SLC7A5: variants seen among roughly 807,000 people sequenced by gnomAD.
SLC7A5 encodes the protein solute carrier family 7 member 5.
SLC7A5 carries 23 observed loss-of-function variants against 50.2 expected under a neutral mutation model. The observed-to-expected ratio is 0.46, with a 90% CI of 0.33 to 0.65. The LOEUF (loss-of-function observed/expected upper bound fraction) is 0.65, where lower values mean the gene tolerates loss of function less well. SLC7A5 is among the 30% of genes least tolerant of loss of function. The pLI is 0.02. For missense variants in SLC7A5, 578 were observed against 684.4 expected (o/e 0.84, Z 1.73); for synonymous variants, 393 against 330.6 (o/e 1.19, Z -2.05).
intron 7 of SLC7A5, chr16:87,837,514 G>C (rs1455288717): frequency 5.4e-6 from 2 of 369,488 alleles, no homozygotes; most frequent in African/African-American, 4.1e-5. Context: ...GAAACTGTGT[G>C]TGATGCACCC....
intron 1 of SLC7A5, among the ~76,000 whole-genome samples, chr16:87,864,190 G>T (rs1159517776): frequency 6.6e-6 from 1 of 151,230 alleles, no homozygotes; most frequent in Admixed American, 6.6e-5. Flanking sequence ...TACTCGGGAG[G>T]CTGAGGCAGG....
At chr16:87,842,297 G>A (rs988972461) in intron 2 of SLC7A5, among the ~76,000 whole-genome samples, 2 of 152,204 alleles carry the variant, frequency 1.3e-5, no homozygotes, top group Middle Eastern at 3.2e-3. Context: ...GGCAGGGACG[G>A]GCCCTGGGGC....
chr16:87,857,955 G>A (rs1436874513), intron 1 of SLC7A5, among the ~76,000 whole-genome samples: 1 of 152,206 alleles, frequency 6.6e-6, no homozygotes, highest in Non-Finnish European at 1.5e-5. Context: ...GATTTGGCAA[G>A]CTCTGAAATT....
At chr16:87,865,655 C>T (rs2055451237) in intron 1 of SLC7A5, among the ~76,000 whole-genome samples, 1 of 152,014 alleles carries the variant, frequency 6.6e-6, no homozygotes, top group Admixed American at 6.5e-5. Context: ...TGTAGTGAGC[C>T]AAGATCGTGC....
At chr16:87,840,667 C>A (rs962486176) in intron 3 of SLC7A5, among the ~76,000 whole-genome samples, 194 bp from the exon 4 acceptor site, 1 of 152,166 alleles carries the variant, frequency 6.6e-6, no homozygotes, top group Non-Finnish European at 1.5e-5. Flanking sequence ...CCCTTCCAGG[C>A]CCTCCCGCAC....
At chr16:87,865,080 C>T (rs2055443910) in intron 1 of SLC7A5, among the ~76,000 whole-genome samples, 2 of 152,194 alleles carry the variant, frequency 1.3e-5, no homozygotes, top group South Asian at 4.1e-4. Context: ...CTCCCTCTCT[C>T]AGCAGGGTCT....
At chr16:87,859,681 C>T (rs2055364193) in intron 1 of SLC7A5, among the ~76,000 whole-genome samples, 1 of 152,178 alleles carries the variant, frequency 6.6e-6, no homozygotes, top group African/African-American at 2.4e-5. Flanking sequence ...TGGCTCATGC[C>T]TGTAATCCCA....
In SLC7A5 at chr16:87,840,567, G is replaced by A. The variant is rs1040107897; in HGVS notation, c.771-94C>T. The A allele has an allele frequency of 7.3e-6, 8 of 1,093,260 alleles. No homozygotes were observed. In the Admixed American group the frequency reaches 1.0e-4, roughly 14 times the overall value. 67.7% of individuals were successfully genotyped at this position (1,093,260 alleles called of 1,614,324 possible). On this transcript the variant is annotated intron_variant, in intron 3 of 9. Coordinates refer to ENST00000261622, the MANE Select transcript of SLC7A5 (RefSeq NM_003486.7). ...GCATCCCAGGGCAGCTGGTGAGCCT[G>A]CCCCCCGGTGGTCTGCTCGCTGGGC...
chr16:87,849,557 C>G (rs779078764), intron 2 of SLC7A5, among the ~76,000 whole-genome samples: 15 of 152,316 alleles, frequency 9.8e-5, no homozygotes, highest in Non-Finnish European at 1.9e-4. Context: ...ATGAGCGCAG[C>G]CAAGCAAAGG....
chr16:87,846,309 T>C (rs1306062814), intron 2 of SLC7A5, among the ~76,000 whole-genome samples: 3 of 152,236 alleles, frequency 2.0e-5, no homozygotes, highest in African/African-American at 7.2e-5. Flanking sequence ...CTCTGGAAAG[T>C]GAGCTTTGGC....
intron 2 of SLC7A5, among the ~76,000 whole-genome samples, chr16:87,845,867 G>T (rs1197955490): frequency 6.6e-6 from 1 of 152,204 alleles, no homozygotes; most frequent in Non-Finnish European, 1.5e-5. Context: ...AAGGGCACCG[G>T]GAGGTGAAGG....
intron 7 of SLC7A5, 187 bp downstream of exon 7, chr16:87,837,658 A>G (rs9938601): frequency 0.65 from 378,478 of 586,364 alleles, 125,661 homozygotes; most frequent in East Asian, 0.85. Flanking sequence ...ACCATATATT[A>G]TTTTTGGAAT....
At chr16:87,855,125 G>A (rs2055299091) in intron 1 of SLC7A5, among the ~76,000 whole-genome samples, 1 of 152,242 alleles carries the variant, frequency 6.6e-6, no homozygotes, top group African/African-American at 2.4e-5. Flanking sequence ...ACGCAGGAGG[G>A]ATTGGGGACG....
In SLC7A5 at chr16:87,869,040, G is replaced by A. The variant is rs1275051509; in HGVS notation, c.383C>T (p.Pro128Leu). 1 of 1,611,710 alleles carries A rather than the reference G, an allele frequency of 6.2e-7. No individual in the cohort carries two copies. Among genetic ancestry groups the A allele is most frequent in the African/African-American group, 1.3e-5 (1 of 74,998 alleles). ...CTCGATCCAGAGCTTGAGGAAGGCG[G>A]GCAGCGAGCCGTAGACCTCCAGCAT... ...AYMLEVYGSL[P>L]AFLKLWIELL... The change falls in exon 1 of 10, where the codon CCC (proline) becomes CTC (leucine). Residue 128 changes from proline to leucine, a missense_variant. Physicochemically the swap from Pro to Leu is moderately conservative, Grantham distance 98. Coordinates refer to ENST00000261622, the MANE Select transcript of SLC7A5 (RefSeq NM_003486.7).
At chr16:87,848,201 T>A (rs1435794624) in intron 2 of SLC7A5, among the ~76,000 whole-genome samples, 3 of 152,242 alleles carry the variant, frequency 2.0e-5, no homozygotes, top group Admixed American at 2.0e-4. Flanking sequence ...AAAGAAAGTT[T>A]TTATGCAACC....
chr16:87,858,391 G>C (rs1325868532), intron 1 of SLC7A5, among the ~76,000 whole-genome samples: 10 of 152,170 alleles, frequency 6.6e-5, no homozygotes, highest in Non-Finnish European at 7.3e-5. Flanking sequence ...TGCTGGCTAA[G>C]TGCGGAGCCT....
chr16:87,839,859 C>A (rs367627563), intron 4 of SLC7A5, 34 bp from the exon 5 acceptor site: 2 of 1,612,684 alleles, frequency 1.2e-6, no homozygotes, highest in African/African-American at 2.7e-5. Context: ...TCACCCAACG[C>A]AGCCCGGGCT....
In SLC7A5 at chr16:87,869,427, T is replaced by G. The variant is rs1404927722; in HGVS notation, c.-5A>C. ...CTTCGGGCCCGCACCCGCCATGCTC[T>G]GCGCACCGGCCGGGCCTGGGACACC... On this transcript the variant is annotated 5_prime_UTR_variant, in exon 1 of 10. Coordinates refer to ENST00000261622, the MANE Select transcript of SLC7A5 (RefSeq NM_003486.7). 19 of 1,461,188 alleles carry G rather than the reference T, an allele frequency of 1.3e-5. No homozygotes were observed. The East Asian group carries it at 2.9e-4, about 22-fold the overall frequency. 90.5% of individuals were successfully genotyped at this position (1,461,188 alleles called of 1,614,324 possible).
intron 2 of SLC7A5, among the ~76,000 whole-genome samples, chr16:87,847,646 C>T (rs1469999107): frequency 6.6e-6 from 1 of 152,180 alleles, no homozygotes; most frequent in African/African-American, 2.4e-5. Context: ...GCTGTCCACC[C>T]GAACGCACCT....
Sources: gnomAD v4.1 joint callset for allele counts (sites outside exome capture counted in the v4.1 genomes callset) on GRCh38, gnomAD v4.1.1 for gene constraint, MANE v1.5 for transcripts, NCBI Gene and HGNC (gene_info 2026-07-23, HGNC 2026-07-21) for gene names.